The following FASN variants were observed in gnomAD, a reference collection of about 807,000 sequenced individuals.
FASN encodes the protein 3-hydroxyacyl-[acyl-carrier-protein] dehydratase.
A neutral mutation model predicts 250.0 loss-of-function variants in FASN; 50 were observed. The observed-to-expected ratio is 0.20, with a 90% confidence interval of 0.16 to 0.25. The LOEUF (loss-of-function observed/expected upper bound fraction) is 0.25. FASN is among the 10% of genes least tolerant of loss of function. The probability of loss-of-function intolerance (pLI) is 1.00; values close to 1 mark genes in which losing one functional copy is unlikely to be tolerated. For synonymous variants in FASN, 1,909 were observed against 1,584.0 expected (o/e 1.21, Z -4.87); for missense variants, 3,031 against 3,498.5 (o/e 0.87, Z 3.37).
At position 82,078,964 on chromosome 17, in the gene FASN, G is replaced by C; in HGVS notation, c.*179C>G. The C allele has an allele frequency of 2.7e-6, 2 of 742,512 alleles. No individual in the cohort carries two copies. Among genetic ancestry groups the C allele is most frequent in the Non-Finnish European group, 4.4e-6 (2 of 450,892 alleles). The allele number at this position is 742,512 out of a possible 1,614,324, so 46.0% of individuals were successfully genotyped here. A position where few individuals can be genotyped will look rare whatever the true frequency, so the allele number is the denominator to read the frequency against. ...GCTCTGGTGTCCCCGAGGTGCCGTGGGAGGCGGCGGGTGGGTGGGACATGC... is the reference window on the plus strand; with the variant it reads ...GCTCTGGTGTCCCCGAGGTGCCGTGCGAGGCGGCGGGTGGGTGGGACATGC... On this transcript the variant is annotated 3_prime_UTR_variant, in exon 43 of 43. Coordinates refer to ENST00000306749, the MANE Select transcript of FASN (RefSeq NM_004104.5). The surrounding 1 kb of genome is among the most constrained non-coding windows in gnomAD (Gnocchi z 5.4).
intron 11 of FASN, 66 bp from the exon 12 acceptor site, chr17:82,089,792 C>G: frequency 7.5e-7 from 1 of 1,340,240 alleles, no homozygotes; most frequent in South Asian, 1.2e-5. Flanking sequence ...CCCACCCACC[C>G]AGACACTGCC....
intron 33 of FASN, 91 bp from the exon 34 acceptor site, chr17:82,082,769 C>T: frequency 6.4e-7 from 1 of 1,555,922 alleles, no homozygotes; most frequent in Non-Finnish European, 8.7e-7. Context: ...AGCCGCAGAG[C>T]CCCATCCAGC....
At chr17:82,089,483 G>A (rs2034164185) in intron 12 of FASN, 99 bp from the exon 13 acceptor site, 2 of 1,600,790 alleles carry the variant, frequency 1.2e-6, no homozygotes, top group Non-Finnish European at 1.7e-6. Context: ...GAACCGAGAG[G>A]GAATGGGCAA....
chr17:82,079,858 C>A (rs2033956727), intron 41 of FASN: 1 of 634,848 alleles, frequency 1.6e-6, no homozygotes, highest in Non-Finnish European at 2.7e-6. Flanking sequence ...TAGGTGAGTG[C>A]CACCATGCCT....
rs1598585387 is a variant in FASN, at chr17:82,095,426, A to G, written c.174T>C (p.Ser58=). Reference sequence around the variant, plus strand: ...CTCCGAAGAAGGAGGCATCAAACCTAGACAGGTCCTTCAGCTTGCCGGACC... The same window carrying G: ...CTCCGAAGAAGGAGGCATCAAACCTGGACAGGTCCTTCAGCTTGCCGGACC... ...PRRSGKLKDL[S]RFDASFFGVH... The change falls in exon 3 of 43, where the codon TCT becomes TCC. Residue 58 remains serine, a synonymous_variant. Transcript: ENST00000306749. The G allele has an allele frequency of 6.2e-7, 1 of 1,613,000 alleles. No homozygotes were observed. The highest frequency in any genetic ancestry group is 8.5e-7 in the Non-Finnish European group (1 of 1,180,010).
intron 42 of FASN, 27 bp downstream of exon 42, chr17:82,079,330 C>G (rs780454322): frequency 2.5e-6 from 4 of 1,613,084 alleles, no homozygotes; most frequent in South Asian, 1.1e-5. Context: ...TGTCCCTGTC[C>G]CCGTTCCCGT....
At chr17:82,093,151 G>A (rs1387345076) in intron 5 of FASN, 68 bp downstream of exon 5, 1 of 1,536,258 alleles carries the variant, frequency 6.5e-7, no homozygotes, top group African/African-American at 1.4e-5. Context: ...TGCTCAGCGT[G>A]GGGACTGTGC....
In FASN at chr17:82,081,856, G is replaced by A. The variant is rs2033993972; in HGVS notation, c.6164-13C>T. 2 of 1,594,216 alleles carry A rather than the reference G, an allele frequency of 1.3e-6. No individual in the cohort carries two copies. Among genetic ancestry groups the A allele is most frequent in the Non-Finnish European group, 8.5e-7 (1 of 1,173,962 alleles). On this transcript the variant is annotated splice_polypyrimidine_tract_variant and intron_variant, in intron 36 of 42. Transcript: ENST00000306749. ...TGCACGGCCAGGCCTGTGGGGGAGG[G>A]GGCAGGTGGGCAGAGCTGCGGGGAG...
Position 82,093,406 on chromosome 17 carries a change from T to C in FASN, c.468A>G (p.Ala156=). Reference sequence around the variant, plus strand: ...GGCTGGAGGAGCAGGCTGTGTCCAGTGCGATGCTGGGCCCTGCAAGGAAGG... The same window carrying C: ...GGCTGGAGGAGCAGGCTGTGTCCAGCGCGATGCTGGGCCCTGCAAGGAAGG... ...FFFDFRGPSI[A]LDTACSSSLM... Residue 156 remains alanine, a synonymous_variant, in exon 5 of 43, where the codon GCA becomes GCG. Coordinates refer to ENST00000306749, the MANE Select transcript of FASN (RefSeq NM_004104.5). 1.2e-6 allele frequency: 2 copies of C among 1,602,240 alleles called. No homozygotes were observed. Among genetic ancestry groups the C allele is most frequent in the Non-Finnish European group, 8.5e-7 (1 of 1,176,792 alleles).
chr17:82,082,801 G>C (rs1383164925), intron 33 of FASN, 113 bp downstream of exon 33: 1 of 1,546,382 alleles, frequency 6.5e-7, no homozygotes, highest in East Asian at 2.3e-5. Context: ...AAGATGGAGG[G>C]GGACAGACCC....
chr17:82,088,858 G>C lies in FASN; in HGVS notation c.2323C>G (p.Leu775Val). Residue 775 changes from leucine to valine, a missense_variant, in exon 15 of 43, where the codon CTG becomes GTG. Leu to Val is a conservative substitution (Grantham distance 32). Transcript: ENST00000306749. ...ALLQAVLKRG[L>V]KPSCTIIPLM... The stretch of plus-strand genomic sequence containing the variant: ...GGGATGATGGTGCAGCTCGGCTTCA[G>C]GCCACGCTTCAGGACAGCCTGGGGG... The C allele has an allele frequency of 6.2e-7, 1 of 1,612,554 alleles. No individual in the cohort carries two copies. Among genetic ancestry groups the C allele is most frequent in the Non-Finnish European group, 8.5e-7 (1 of 1,179,812 alleles).
At chr17:82,089,590 G>C (rs1446782430) in intron 12 of FASN, 42 bp downstream of exon 12, 4 of 1,560,498 alleles carry the variant, frequency 2.6e-6, no homozygotes, top group Non-Finnish European at 3.5e-6. Flanking sequence ...TGCAATGGCA[G>C]GCGCAGGGGA....
rs374442334 is a variant in FASN at position 82,088,884 on chromosome 17, C to A, written c.2305-8G>T. ...GCCACGCTTCAGGACAGCCTGGGGG[C>A]GGCAGGGCAGGTGGGCTCTCTTGGT... On this transcript the variant is annotated splice_polypyrimidine_tract_variant and splice_region_variant and intron_variant, in intron 14 of 42. Transcript: ENST00000306749. The A allele has an allele frequency of 5.6e-6, 9 of 1,611,574 alleles. No homozygotes were observed. Among genetic ancestry groups the A allele is most frequent in the African/African-American group, 1.3e-5 (1 of 74,882 alleles).
rs763763012 is a variant in FASN at position 82,083,092 on chromosome 17, T to C, written c.5589A>G (p.Ala1863=). 3 of 1,610,958 alleles carry C rather than the reference T, an allele frequency of 1.9e-6. No homozygotes were observed. Among genetic ancestry groups the C allele is most frequent in the Non-Finnish European group, 2.5e-6 (3 of 1,179,956 alleles). The change falls in exon 33 of 43, where the codon GCA becomes GCG. Residue 1863 remains alanine, a synonymous_variant. Transcript: ENST00000306749. ...VVQVLAEEPE[A]VLKGAKPKLM... ...GCTTGGGTTTGGCCCCCTTCAGCAC[T>C]GCCTCCGGCTCCTCCGCAAGCACCT...
intron 3 of FASN, chr17:82,094,273 C>T: frequency 8.5e-6 from 2 of 236,538 alleles, no homozygotes; most frequent in Non-Finnish European, 1.7e-5. Flanking sequence ...CACCGGTCAC[C>T]CCCGGGGAGC....
chr17:82,082,505 C>T (rs762289948), intron 34 of FASN, 22 bp downstream of exon 34: 2 of 1,609,498 alleles, frequency 1.2e-6, no homozygotes, highest in South Asian at 2.2e-5. Context: ...TTTTGAGGGC[C>T]CCATTTGGGG....
In FASN at chr17:82,079,446, C is replaced by T; in HGVS notation, c.7309G>A (p.Ala2437Thr). Residue 2437 changes from alanine (A) to threonine (T), a missense_variant, in exon 42 of 43, where the codon GCC becomes ACC. Coordinates refer to ENST00000306749, the MANE Select transcript of FASN (RefSeq NM_004104.5). ...AGCATCACGTTGCCATGGTACTTGG[C>T]CTTGGGTGTGTACTGCTCAGCGGCA... ...LRAAEQYTPKAKYHGNVMLLR... is the reference protein window; with the variant it reads ...LRAAEQYTPKTKYHGNVMLLR... The T allele has an allele frequency of 1.9e-6, 3 of 1,613,032 alleles. No homozygotes were observed. The highest frequency in any genetic ancestry group is 2.5e-6 in the Non-Finnish European group (3 of 1,179,990).
chr17:82,090,725 A>G (rs572302657), intron 10 of FASN, among the ~76,000 whole-genome samples, 157 bp downstream of exon 10: 9 of 152,214 alleles, frequency 5.9e-5, no homozygotes, highest in African/African-American at 1.7e-4. Flanking sequence ...AGCCCCACTG[A>G]GACCCCTCCT....
Position 82,079,509 on chromosome 17 carries a change from G to C in FASN, c.7246C>G (p.Leu2416Val), listed in dbSNP as rs1461258013. The change falls in exon 42 of 43, where the codon CTG becomes GTG. Residue 2416 changes from leucine (L) to valine (V), a missense_variant. Physicochemically the swap from Leu to Val is conservative, Grantham distance 32 (BLOSUM62 1). Transcript: ENST00000306749. ...KSHQGLDRQE[L>V]SFAARSFYYK... is the part of the protein sequence containing the mutation. ...TAGAAGGACCGGGCCGCAAAGCTCA[G>C]CTCCTGGCGGTCCAGGCCCTGGTGG... 1.2e-6 allele frequency: 2 copies of C among 1,611,984 alleles called. No homozygotes were observed. The highest frequency in any genetic ancestry group is 1.7e-6 in the Non-Finnish European group (2 of 1,179,974).
Sources: allele counts gnomAD v4.1 joint callset (sites outside exome capture counted in the v4.1 genomes callset), GRCh38; gene constraint gnomAD v4.1.1; non-coding constraint Gnocchi (gnomAD v3.1); transcripts MANE v1.5; gene names NCBI Gene and HGNC (gene_info 2026-07-23, HGNC 2026-07-21).